UPF1: variants seen among roughly 807,000 people sequenced by gnomAD.
UPF1 encodes the protein UPF1 RNA helicase and ATPase, also known as regulator of nonsense transcripts 1.
UPF1 carries 9 observed loss-of-function variants against 129.2 expected under a neutral mutation model. That is an observed-to-expected ratio of 0.07 (90% confidence interval 0.04 to 0.12). UPF1 has a LOEUF of 0.12. Among genes scored for constraint, UPF1 ranks in the 10% least tolerant of loss-of-function variants. The probability of loss-of-function intolerance (pLI) is 1.00; values close to 1 mark genes in which losing one functional copy is unlikely to be tolerated. For synonymous variants in UPF1, 649 were observed against 644.9 expected (o/e 1.01, Z -0.10); for missense variants, 788 against 1,525.3 (o/e 0.52, Z 8.05).
rs1439948418 is a variant in UPF1, at chr19:18,852,115, G to A, written c.811-20G>A. ...TAGGGAAAAACAGGACGAGTGTGGC[G>A]CGGTGTTGTTGTCTTCTAGGAAAAC... is the stretch of plus-strand genomic sequence containing the variant. On this transcript the variant is annotated intron_variant, in intron 5 of 23. Transcript: ENST00000262803. 6.3e-6 allele frequency: 10 copies of A among 1,589,960 alleles called. No individual in the cohort carries two copies. The highest frequency in any genetic ancestry group is 3.4e-5 in the South Asian group (3 of 89,044).
In UPF1 at chr19:18,857,529, T is replaced by C. The variant is rs2055731868; in HGVS notation, c.2178T>C (p.Thr726=). 1 of 1,611,002 alleles carries C rather than the reference T, an allele frequency of 6.2e-7. No homozygotes were observed. The highest frequency in any genetic ancestry group is 8.5e-7 in the Non-Finnish European group (1 of 1,178,646). The change falls in exon 15 of 24, where the codon ACT becomes ACC. Residue 726 remains threonine, a synonymous_variant. Transcript: ENST00000262803. ...FYEGSLQNGV[T]AADRVKKGFD... ...AGGGCTCCCTCCAGAATGGTGTCAC[T>C]GCAGGTAACGGGGCTCTGCCCAGGG...
chr19:18,833,679 G>T (rs554036045), intron 1 of UPF1, among the ~76,000 whole-genome samples: 1 of 152,236 alleles, frequency 6.6e-6, no homozygotes, highest in Non-Finnish European at 1.5e-5. Context: ...GCTCAGGTTT[G>T]TTTTCCTGAA....
At chr19:18,842,340 T>C (rs929572197) in intron 1 of UPF1, among the ~76,000 whole-genome samples, 1 of 152,082 alleles carries the variant, frequency 6.6e-6, no homozygotes, top group Admixed American at 6.6e-5. Context: ...GCAGGCTGGG[T>C]GCGCTCATGA....
Position 18,865,757 on chromosome 19 carries a change from C to G in UPF1, c.3216C>G (p.Leu1072=). 1 of 1,613,102 alleles carries G rather than the reference C, an allele frequency of 6.2e-7. No individual in the cohort carries two copies. The highest frequency in any genetic ancestry group is 8.5e-7 in the Non-Finnish European group (1 of 1,179,962). ...SQPSQMSQPG[L]SQPELSQDSY... ...CTTCCCAGATGAGCCAGCCCGGCCT[C>G]TCCCAGCCGGAGCTGTCCCAGGTGA... is the stretch of plus-strand genomic sequence containing the variant. Residue 1072 remains leucine, a synonymous_variant, in exon 22 of 24, where the codon CTC becomes CTG. Coordinates refer to ENST00000262803, the MANE Select transcript of UPF1 (RefSeq NM_002911.4). The surrounding 1 kb of genome is among the most constrained non-coding windows in gnomAD (Gnocchi z 6.1).
Position 18,865,794 on chromosome 19 carries a change from G to C in UPF1, c.3237+16G>C, listed in dbSNP as rs758561410. 18 of 1,611,990 alleles carry C rather than the reference G, an allele frequency of 1.1e-5. No homozygotes were observed. The Middle Eastern group carries it at 1.5e-3, about 133-fold the overall frequency. On this transcript the variant is annotated intron_variant, in intron 22 of 23. Coordinates refer to ENST00000262803, the MANE Select transcript of UPF1 (RefSeq NM_002911.4). This position sits in a 1 kb window ranked among gnomAD's most constrained non-coding sequence, Gnocchi z 6.1. ...GCTGTCCCAGGTGAGCCCGCCCCTG[G>C]GACGGGACTTACCTGAGTGAGGGTG...
Position 18,853,399 on chromosome 19 carries a change from G to T in UPF1, c.1156+49G>T. Reference sequence around the variant, plus strand: ...TGGCCGGCTGGTGGGAGAGGAAAGTGGGGGCATCAGGTGGAGGCCACTGTG... The same window carrying T: ...TGGCCGGCTGGTGGGAGAGGAAAGTTGGGGCATCAGGTGGAGGCCACTGTG... On this transcript the variant is annotated intron_variant, in intron 8 of 23. Transcript: ENST00000262803. This position sits in a 1 kb window ranked among gnomAD's most constrained non-coding sequence, Gnocchi z 4.4. 1 of 1,526,332 alleles carries T rather than the reference G, an allele frequency of 6.6e-7. No individual in the cohort carries two copies. Among genetic ancestry groups the T allele is most frequent in the Non-Finnish European group, 8.8e-7 (1 of 1,130,056 alleles). 94.5% of individuals were successfully genotyped at this position (1,526,332 alleles called of 1,614,324 possible).
chr19:18,840,403 G>A (rs550437019), intron 1 of UPF1, among the ~76,000 whole-genome samples: 2 of 152,312 alleles, frequency 1.3e-5, no homozygotes, highest in South Asian at 2.1e-4. Flanking sequence ...GGCTCTCTCC[G>A]CTGGGGAGGC....
At chr19:18,857,740 T>C (rs889319207) in intron 15 of UPF1, among the ~76,000 whole-genome samples, 3 of 152,220 alleles carry the variant, frequency 2.0e-5, no homozygotes, top group Non-Finnish European at 4.4e-5. Flanking sequence ...GCCTGTGTCC[T>C]CTGTAAAACT....
At position 18,832,454 on chromosome 19, in the gene UPF1, G is replaced by T. The variant is rs2055437870; in HGVS notation, c.231+14G>T. 2.0e-6 allele frequency: 2 copies of T among 997,362 alleles called. No homozygotes were observed. The highest frequency in any genetic ancestry group is 4.5e-5 in the South Asian group (1 of 22,182). The allele number at this position is 997,362 out of a possible 1,614,324, so 61.8% of individuals were successfully genotyped here. On this transcript the variant is annotated intron_variant, in intron 1 of 23. Coordinates refer to ENST00000262803, the MANE Select transcript of UPF1 (RefSeq NM_002911.4). The surrounding 1 kb of genome is among the most constrained non-coding windows in gnomAD (Gnocchi z 5.6). ...CTCGACGCGCAGGTGAGCGGCACAT[G>T]GCGGTGCCGGAAGCCCGGGCCCGGC...
chr19:18,863,959 A>C (rs2055810546), intron 19 of UPF1, among the ~76,000 whole-genome samples: 1 of 152,090 alleles, frequency 6.6e-6, no homozygotes, highest in African/African-American at 2.4e-5. Flanking sequence ...CTGAGGCCCA[A>C]GGGTCAGCAT....
intron 18 of UPF1, among the ~76,000 whole-genome samples, chr19:18,862,553 A>G (rs530942763): frequency 6.6e-6 from 1 of 152,190 alleles, no homozygotes; most frequent in African/African-American, 2.4e-5. Flanking sequence ...ACTAGACATC[A>G]GGCCAGGCAT....
At chr19:18,847,942 C>T in intron 3 of UPF1, 109 bp downstream of exon 3, 2 of 1,259,088 alleles carry the variant, frequency 1.6e-6, no homozygotes, top group Non-Finnish European at 2.3e-6. Flanking sequence ...GCTAACAAAC[C>T]TGGGTTTTTT....
At chr19:18,860,724 T>C in intron 16 of UPF1, 102 bp from the exon 17 acceptor site, 1 of 1,495,394 alleles carries the variant, frequency 6.7e-7, no homozygotes, top group Non-Finnish European at 9.0e-7. Context: ...TGATGGCAGC[T>C]GCCTTCCCGC....
intron 3 of UPF1, 148 bp from the exon 4 acceptor site, chr19:18,849,926 TG>T: frequency 1.1e-6 from 1 of 951,228 alleles, no homozygotes; most frequent in African/African-American, 1.7e-5. Context: ...GGGGGAGGGC[TG>T]GCCCCCAGAG....
chr19:18,860,474 T>C (rs1440564561), intron 16 of UPF1, 36 bp downstream of exon 16: 41 of 1,597,522 alleles, frequency 2.6e-5, no homozygotes, highest in Non-Finnish European at 3.5e-5. Flanking sequence ...TCTGCAGGTC[T>C]TGGGGACAGC....
chr19:18,850,262 C>T lies in UPF1; in HGVS notation c.629+20C>T. The T allele has an allele frequency of 6.4e-7, 1 of 1,566,472 alleles. No individual in the cohort carries two copies. Among genetic ancestry groups the T allele is most frequent in the Non-Finnish European group, 8.6e-7 (1 of 1,156,914 alleles). On this transcript the variant is annotated intron_variant, in intron 4 of 23. Transcript: ENST00000262803. This position sits in a 1 kb window ranked among gnomAD's most constrained non-coding sequence, Gnocchi z 7.1. ...GTGCAGGTGAGTGGTCCCCAGATGT[C>T]TCCTGGGGGTGACCTTTAAGCTCCA... is the stretch of plus-strand genomic sequence containing the variant.
At chr19:18,852,052 A>G in intron 5 of UPF1, 83 bp from the exon 6 acceptor site, 1 of 1,464,254 alleles carries the variant, frequency 6.8e-7, no homozygotes, top group South Asian at 1.4e-5. Context: ...TGTGTGCTCC[A>G]TCCCTCTGGT....
chr19:18,834,654 A>T (rs1224738676), intron 1 of UPF1, among the ~76,000 whole-genome samples: 3 of 152,146 alleles, frequency 2.0e-5, no homozygotes, highest in Non-Finnish European at 2.9e-5. Flanking sequence ...TGGGAGTGGT[A>T]CCCCTTTGCA....
chr19:18,851,916 A>G lies in UPF1; in HGVS notation c.811-219A>G, dbSNP rs2055662678. 6.6e-6 allele frequency among the ~76,000 whole-genome samples: 1 copy of G among 152,222 alleles called. No homozygotes were observed. Among genetic ancestry groups the G allele is most frequent in the Admixed American group, 6.5e-5 (1 of 15,290 alleles). On this transcript the variant is annotated intron_variant, in intron 5 of 23. Coordinates refer to ENST00000262803, the MANE Select transcript of UPF1 (RefSeq NM_002911.4). The surrounding 1 kb of genome is among the most constrained non-coding windows in gnomAD (Gnocchi z 4.2). Reference sequence around the variant, plus strand: ...GCGGAGCAGCAGCTGAGGCCCAGGCATGGGCCAGGCCGGTGTGCAGCTCCC... The same window carrying G: ...GCGGAGCAGCAGCTGAGGCCCAGGCGTGGGCCAGGCCGGTGTGCAGCTCCC...
Sources: gnomAD v4.1 joint callset for allele counts (sites outside exome capture counted in the v4.1 genomes callset) on GRCh38, gnomAD v4.1.1 for gene constraint, Gnocchi (gnomAD v3.1) non-coding constraint, MANE v1.5 for transcripts, NCBI Gene and HGNC (gene_info 2026-07-23, HGNC 2026-07-21) for gene names.